The following RBCK1 variants were observed in gnomAD, a reference collection of about 807,000 sequenced individuals.
The protein encoded by RBCK1 is RANBP2-type and C3HC4-type zinc finger containing 1, also known as ranBP-type and C3HC4-type zinc finger-containing protein 1.
RBCK1 carries 44 observed loss-of-function variants against 71.1 expected under a neutral mutation model. That is an observed-to-expected ratio of 0.62 (90% CI 0.49 to 0.80). RBCK1 has a LOEUF of 0.80. RBCK1 is among the 30% of genes least tolerant of loss of function. The probability of loss-of-function intolerance (pLI) is 0.00; values close to 1 mark genes in which losing one functional copy is unlikely to be tolerated. For synonymous variants in RBCK1, 306 were observed against 279.7 expected, an observed-to-expected ratio of 1.09 and a Z score of -0.94; for missense variants, 569 against 685.0, an observed-to-expected ratio of 0.83 and a Z score of 1.89.
At position 422,233 on chromosome 20, in the gene RBCK1, A is replaced by G. The variant is rs2016480237; in HGVS notation, c.1024A>G (p.Lys342Glu). The G allele has an allele frequency of 6.2e-7, 1 of 1,613,356 alleles. No individual in the cohort carries two copies. Among genetic ancestry groups the G allele is most frequent in the East Asian group, 2.2e-5 (1 of 44,864 alleles). The change falls in exon 8 of 12, where the codon AAG becomes GAG. Residue 342 changes from lysine (K) to glutamate (E), a missense_variant. By Grantham distance (56) the Lys-to-Glu change is moderately conservative (BLOSUM62 1). Transcript: ENST00000356286. This position sits in a 1 kb window ranked among gnomAD's most constrained non-coding sequence, Gnocchi z 5.0. ...CSGKLLEREI[K>E]ALLTPEDYQR... ...GGGCAAGCTGCTGGAGAGGGAGATC[A>G]AGGCGGTAAGGCCTCAGGGTGGGAG...
Position 422,326 on chromosome 20 carries a change from T to TA in RBCK1, c.1029+88_1029+89insA. 2.6e-6 allele frequency: 3 copies of TA among 1,134,798 alleles called. No individual in the cohort carries two copies. Among genetic ancestry groups the TA allele is most frequent in the Non-Finnish European group, 3.9e-6 (3 of 777,956 alleles). The allele number at this position is 1,134,798 out of a possible 1,614,324, so 70.3% of individuals were successfully genotyped here. ...AGGCAGCAGACATCTTTCTTTTCTT[T>TA]CTTTTTTTTTTTTGGAGATGGGGTC... On this transcript the variant is annotated intron_variant, in intron 8 of 11. Coordinates refer to ENST00000356286, the MANE Select transcript of RBCK1 (RefSeq NM_031229.4). This position sits in a 1 kb window ranked among gnomAD's most constrained non-coding sequence, Gnocchi z 5.0.
Position 409,990 on chromosome 20 carries a change from A to G in RBCK1, c.132A>G (p.Gln44=), listed in dbSNP as rs145132343. Residue 44 remains glutamine (Q), a synonymous_variant, in exon 2 of 12, where the codon CAA becomes CAG. Coordinates refer to ENST00000356286, the MANE Select transcript of RBCK1 (RefSeq NM_031229.4). ...AGCAACGGGTGCCCCTGAGTGTGCA[A>G]CTGAAGCCTGAGGTCTCCCCAACGC... The part of the protein sequence containing the change: ...LAEQRVPLSV[Q]LKPEVSPTQD... 1 of 1,614,138 alleles carries G rather than the reference A, an allele frequency of 6.2e-7. No individual in the cohort carries two copies. Among genetic ancestry groups the G allele is most frequent in the Non-Finnish European group, 8.5e-7 (1 of 1,180,006 alleles).
chr20:410,570 A>C (rs746706038), intron 2 of RBCK1: 1 of 779,756 alleles, frequency 1.3e-6, no homozygotes, highest in Middle Eastern at 2.3e-4. Context: ...TGATTCCCAC[A>C]GCTACAGTTC....
Position 417,675 on chromosome 20 carries a change from C to T in RBCK1, c.261+56C>T. ...GTGAAGGCTCTCCCTTTCACTCCTG[C>T]TTCCTCTCTCTCCTCTGGCCCTCCC... is the stretch of plus-strand genomic sequence containing the variant. On this transcript the variant is annotated intron_variant, in intron 3 of 11. Coordinates refer to ENST00000356286, the MANE Select transcript of RBCK1 (RefSeq NM_031229.4). This position sits in a 1 kb window ranked among gnomAD's most constrained non-coding sequence, Gnocchi z 4.7. 1 of 1,603,106 alleles carries T rather than the reference C, an allele frequency of 6.2e-7. No homozygotes were observed. Among genetic ancestry groups the T allele is most frequent in the South Asian group, 1.1e-5 (1 of 90,812 alleles).
Position 410,023 on chromosome 20 carries a change from C to G in RBCK1, c.165C>G (p.Ile55Met). 9 of 1,613,570 alleles carry G rather than the reference C, an allele frequency of 5.6e-6. No homozygotes were observed. In the South Asian group the frequency reaches 7.7e-5, roughly 14 times the overall value. The part of the protein sequence containing the change: ...LKPEVSPTQD[I>M]RLWVSVEDAQ... ...CTGAGGTCTCCCCAACGCAGGACATCAGGTGAGGAGTGCATGGCTGGCCTG... is the reference window on the plus strand; with the variant it reads ...CTGAGGTCTCCCCAACGCAGGACATGAGGTGAGGAGTGCATGGCTGGCCTG... Residue 55 changes from isoleucine (I) to methionine (M), a missense_variant and splice_region_variant, in exon 2 of 12, where the codon ATC becomes ATG. By Grantham distance (10) the Ile-to-Met change is conservative. Coordinates refer to ENST00000356286, the MANE Select transcript of RBCK1 (RefSeq NM_031229.4).
At chr20:423,052 C>T (rs944778783) in intron 8 of RBCK1, among the ~76,000 whole-genome samples, 1 of 152,184 alleles carries the variant, frequency 6.6e-6, no homozygotes, top group Non-Finnish European at 1.5e-5. Context: ...GTAATCCCAG[C>T]GCTTTGGGAG....
Position 420,027 on chromosome 20 carries a change from G to T in RBCK1, c.756+296G>T. On this transcript the variant is annotated intron_variant, in intron 6 of 11. Coordinates refer to ENST00000356286, the MANE Select transcript of RBCK1 (RefSeq NM_031229.4). ...TCCCCAGCTTTGACACACCACACGA[G>T]TATGGCTGGCCATGACCCCAGCACC... The T allele has an allele frequency of 3.0e-6, 3 of 984,038 alleles. No individual in the cohort carries two copies. In the South Asian group the frequency reaches 1.4e-4, roughly 46 times the overall value. The allele number at this position is 984,038 out of a possible 1,614,324, so 61.0% of individuals were successfully genotyped here. A position where few individuals can be genotyped will look rare whatever the true frequency, so the allele number is the denominator to read the frequency against.
At chr20:412,867 C>T (rs1952018299) in intron 2 of RBCK1, among the ~76,000 whole-genome samples, 1 of 152,106 alleles carries the variant, frequency 6.6e-6, no homozygotes. Flanking sequence ...TTGCCTCATC[C>T]AAGGTCATGA....
rs1031927939 is a variant in RBCK1, at chr20:429,947, A to G, written c.1453-403A>G. 4.6e-5 allele frequency among the ~76,000 whole-genome samples: 7 copies of G among 152,206 alleles called. No homozygotes were observed. The East Asian group carries it at 5.8e-4, about 13-fold the overall frequency. ...TGTCAGAATCAAGTGGAAAAATTGC[A>G]AGAGAAGTGCTTAGAGAGCCTGTCA... On this transcript the variant is annotated intron_variant, in intron 11 of 11. Transcript: ENST00000356286.
chr20:408,427 T>G lies in RBCK1; in HGVS notation c.-331T>G, dbSNP rs2015496227. ...CCCGCAAGTGGGGGTCCTCCGGGAC[T>G]TGGAACGCCCCGGCTGGGTGGTGTC... On this transcript the variant is annotated 5_prime_UTR_variant, in exon 1 of 12. Coordinates refer to ENST00000356286, the MANE Select transcript of RBCK1 (RefSeq NM_031229.4). The G allele has an allele frequency of 2.8e-5, 13 of 468,010 alleles. No individual in the cohort carries two copies. The South Asian group carries it at 3.5e-4, about 12-fold the overall frequency. 29.0% of individuals were successfully genotyped at this position (468,010 alleles called of 1,614,324 possible). A position where few individuals can be genotyped will look rare whatever the true frequency, so the allele number is the denominator to read the frequency against.
intron 8 of RBCK1, among the ~76,000 whole-genome samples, chr20:423,302 A>AATATAT (rs374266902): frequency 6.6e-6 from 1 of 150,806 alleles, no homozygotes; most frequent in African/African-American, 2.4e-5. Context: ...TCCGTCTGAA[A>AATATAT]ATATATATAT....
Position 427,470 on chromosome 20 carries a change from A to G in RBCK1, c.1187A>G (p.His396Arg). 1 of 1,613,598 alleles carries G rather than the reference A, an allele frequency of 6.2e-7. No homozygotes were observed. The change falls in exon 9 of 12, where the codon CAC becomes CGC. Residue 396 changes from histidine (H) to arginine (R), a missense_variant. His to Arg is a conservative substitution (Grantham distance 29). Transcript: ENST00000356286. Reference sequence around the variant, plus strand: ...GAGTTCACCTGCCCTGTGTGTTTCCACGTCAACTGCCTGCTCTGCAAGGTG... The same window carrying G: ...GAGTTCACCTGCCCTGTGTGTTTCCGCGTCAACTGCCTGCTCTGCAAGGTG... Reference protein sequence around the residue: ...VNEFTCPVCFHVNCLLCKAIH... With the variant: ...VNEFTCPVCFRVNCLLCKAIH...
chr20:421,937 A>C (rs1186662950), intron 7 of RBCK1, 190 bp from the exon 8 acceptor site: 1 of 569,136 alleles, frequency 1.8e-6, no homozygotes. Flanking sequence ...TCAGAGCGGC[A>C]GTATGGAGGC....
intron 8 of RBCK1, among the ~76,000 whole-genome samples, chr20:426,816 C>CTTTTTTTTTTTTT (rs768525416): frequency 2.1e-5 from 2 of 95,508 alleles, no homozygotes; most frequent in African/African-American, 5.3e-5. Context: ...TTTTCTTTTC[C>CTTTTTTTTTTTTT]TTTTTTTTTT....
At chr20:425,922 G>A (rs1475582538) in intron 8 of RBCK1, among the ~76,000 whole-genome samples, 3 of 152,182 alleles carry the variant, frequency 2.0e-5, no homozygotes, top group African/African-American at 7.2e-5. Flanking sequence ...ATCATTCCTG[G>A]CTGGTGCATC....
At chr20:410,613 C>A in intron 2 of RBCK1, 1 of 771,728 alleles carries the variant, frequency 1.3e-6, no homozygotes, top group South Asian at 1.4e-5. Flanking sequence ...CCAAGATATT[C>A]AGCTAGAATT....
At chr20:411,950 G>A (rs1229879669) in intron 2 of RBCK1, among the ~76,000 whole-genome samples, 1 of 152,162 alleles carries the variant, frequency 6.6e-6, no homozygotes, top group African/African-American at 2.4e-5. Flanking sequence ...GTGAACATTT[G>A]TGTCCAACTT....
Position 408,519 on chromosome 20 carries a change from C to A in RBCK1, c.-239C>A. 1 of 601,946 alleles carries A rather than the reference C, an allele frequency of 1.7e-6. No homozygotes were observed. The highest frequency in any genetic ancestry group is 3.0e-6 in the Non-Finnish European group (1 of 337,080). 37.3% of individuals were successfully genotyped at this position (601,946 alleles called of 1,614,324 possible). A position where few individuals can be genotyped will look rare whatever the true frequency, so the allele number is the denominator to read the frequency against. On this transcript the variant is annotated 5_prime_UTR_variant, in exon 1 of 12. It adds an upstream start codon to the 5' untranslated region. Coordinates refer to ENST00000356286, the MANE Select transcript of RBCK1 (RefSeq NM_031229.4). Reference sequence around the variant, plus strand: ...GTTTCCTCCTGCGCCCAGTGCGGACCTGTCTCGGCGCCCGCTGCCCTCTCA... The same window carrying A: ...GTTTCCTCCTGCGCCCAGTGCGGACATGTCTCGGCGCCCGCTGCCCTCTCA...
intron 8 of RBCK1, among the ~76,000 whole-genome samples, chr20:423,904 C>A (rs1413043324): frequency 6.6e-6 from 1 of 152,216 alleles, no homozygotes; most frequent in East Asian, 1.9e-4. Context: ...CAATGTCTCA[C>A]CCACCAGCAG....
Sources: gnomAD v4.1 joint callset for allele counts (sites outside exome capture counted in the v4.1 genomes callset) on GRCh38, gnomAD v4.1.1 for gene constraint, Gnocchi (gnomAD v3.1) non-coding constraint, MANE v1.5 for transcripts, NCBI Gene and HGNC (gene_info 2026-07-23, HGNC 2026-07-21) for gene names.